DRAM1: variants seen among roughly 807,000 people sequenced by gnomAD.
DRAM1 encodes DNA damage-regulated autophagy modulator protein 1.
DRAM1 carries 25 observed loss-of-function variants against 28.5 expected under a neutral mutation model. The ratio of observed to expected loss-of-function variants is 0.88; its 90% CI spans 0.64 to 1.23. The LOEUF (loss-of-function observed/expected upper bound fraction) is 1.23. DRAM1 is among the 50% of genes most tolerant of loss of function. The pLI, the probability that DRAM1 is intolerant of heterozygous loss-of-function variation, is 0.00. For missense variants in DRAM1, 249 were observed against 299.2 expected (o/e 0.83, Z 1.24); for synonymous variants, 113 against 114.2 (o/e 0.99, Z 0.07).
In DRAM1 at chr12:101,877,806, G is replaced by A; in HGVS notation, c.17G>A (p.Arg6Lys). The change falls in exon 1 of 7, where the codon AGG becomes AAG. Residue 6 changes from arginine (R) to lysine (K), a missense_variant. Transcript: ENST00000258534. The surrounding 1 kb of genome is among the most constrained non-coding windows in gnomAD (Gnocchi z 4.1). MLCFLRGMAFVPFLLV... is the reference protein window; with the variant it reads MLCFLKGMAFVPFLLV... ...GGCGGCGCGATGCTGTGCTTCCTGA[G>A]GGGAATGGCTTTCGTCCCCTTCCTC... The A allele has an allele frequency of 5.8e-6, 9 of 1,539,470 alleles. No individual in the cohort carries two copies. The highest frequency in any genetic ancestry group is 7.9e-6 in the Non-Finnish European group (9 of 1,141,394).
Position 101,895,186 on chromosome 12 carries a change from G to GTTTTTTTTTT in DRAM1, c.132-2656_132-2647dup, listed in dbSNP as rs574722379. Among the ~76,000 whole-genome samples the GTTTTTTTTTT allele has an allele frequency of 7.3e-4, 55 of 75,732 alleles. 2 individuals are homozygous for GTTTTTTTTTT. The highest frequency in any genetic ancestry group is 1.6e-3 in the South Asian group (3 of 1,834). 49.7% of individuals were successfully genotyped at this position (75,732 alleles called of 152,430 possible). A position where few individuals can be genotyped will look rare whatever the true frequency, so the allele number is the denominator to read the frequency against. Reference sequence around the variant, plus strand: ...TAATGCTAAATTCGAAACCCTTCAGGTTTTTTTTTTTTTTTTTTTTTTTTT... The same window carrying GTTTTTTTTTT: ...TAATGCTAAATTCGAAACCCTTCAGGTTTTTTTTTTTTTTTTTTTTTTTTTTTTTTTTTTT... On this transcript the variant is annotated intron_variant, in intron 1 of 6. Coordinates refer to ENST00000258534, the MANE Select transcript of DRAM1 (RefSeq NM_018370.3).
At chr12:101,912,125 G>A (rs1874062312) in intron 4 of DRAM1, among the ~76,000 whole-genome samples, 1 of 152,174 alleles carries the variant, frequency 6.6e-6, no homozygotes, top group Admixed American at 6.5e-5. Context: ...CTTGAACCCA[G>A]GAGGTGGAGG....
chr12:101,894,418 A>G (rs1444886284), intron 1 of DRAM1, among the ~76,000 whole-genome samples: 3 of 151,804 alleles, frequency 2.0e-5, no homozygotes, highest in Non-Finnish European at 4.4e-5. Context: ...CACCCGGCCA[A>G]TTTTTGTATT....
chr12:101,921,348 T>C lies in DRAM1; in HGVS notation c.*88T>C. On this transcript the variant is annotated 3_prime_UTR_variant, in exon 7 of 7. Coordinates refer to ENST00000258534, the MANE Select transcript of DRAM1 (RefSeq NM_018370.3). Reference sequence around the variant, plus strand: ...GACAGACAGGGTTTTGAGGCCACCCTGATTATTGGGATGCATCTGCAGCAC... The same window carrying C: ...GACAGACAGGGTTTTGAGGCCACCCCGATTATTGGGATGCATCTGCAGCAC... 1 of 1,009,086 alleles carries C rather than the reference T, an allele frequency of 9.9e-7. No homozygotes were observed. Among genetic ancestry groups the C allele is most frequent in the Admixed American group, 1.8e-5 (1 of 54,268 alleles). The allele number at this position is 1,009,086 out of a possible 1,614,324, so 62.5% of individuals were successfully genotyped here. A position where few individuals can be genotyped will look rare whatever the true frequency, so the allele number is the denominator to read the frequency against.
intron 4 of DRAM1, among the ~76,000 whole-genome samples, chr12:101,908,823 A>G (rs1274424701): frequency 1.3e-5 from 2 of 151,492 alleles, no homozygotes; most frequent in Admixed American, 1.3e-4. Context: ...GGGCTTGACT[A>G]AAGTTCAGCC....
chr12:101,908,398 A>C (rs1344192959), intron 4 of DRAM1, 35 bp downstream of exon 4: 1 of 1,578,294 alleles, frequency 6.3e-7, no homozygotes, highest in East Asian at 2.2e-5. Context: ...TGTTAAAGGA[A>C]TAAAACATTC....
chr12:101,915,997 A>G (rs958854118), intron 5 of DRAM1, among the ~76,000 whole-genome samples: 24 of 152,244 alleles, frequency 1.6e-4, no homozygotes, highest in Non-Finnish European at 2.8e-4. Flanking sequence ...CACGTTTCAA[A>G]TAGGGGAAAT....
chr12:101,892,459 G>GA (rs1174951309), intron 1 of DRAM1, among the ~76,000 whole-genome samples: 2 of 146,730 alleles, frequency 1.4e-5, no homozygotes, highest in African/African-American at 5.0e-5. Flanking sequence ...TCACCATGTT[G>GA]GCCAGGCTGG....
Position 101,914,139 on chromosome 12 carries a change from G to A in DRAM1, c.521-35G>A, listed in dbSNP as rs1874144601. On this transcript the variant is annotated intron_variant, in intron 4 of 6. Transcript: ENST00000258534. ...GTCTTAACATTAAAGGAACTGTTGT[G>A]TGCTGTAGTTTCCTTAACTGTTTAC... 2.0e-6 allele frequency: 3 copies of A among 1,469,548 alleles called. No individual in the cohort carries two copies. The East Asian group carries it at 7.0e-5, about 34-fold the overall frequency. 91.0% of individuals were successfully genotyped at this position (1,469,548 alleles called of 1,614,324 possible).
chr12:101,891,757 A>G (rs1045470644), intron 1 of DRAM1, among the ~76,000 whole-genome samples: 2 of 152,212 alleles, frequency 1.3e-5, no homozygotes, highest in East Asian at 3.9e-4. Flanking sequence ...ATTAGCAAGG[A>G]GGCAAATCAG....
intron 1 of DRAM1, among the ~76,000 whole-genome samples, chr12:101,881,832 C>T (rs1312256311): frequency 6.6e-6 from 1 of 152,184 alleles, no homozygotes; most frequent in Non-Finnish European, 1.5e-5. Context: ...CACGTATCAC[C>T]TTCTAACAAA....
At position 101,921,668 on chromosome 12, in the gene DRAM1, C is replaced by T. The variant is rs1874489848; in HGVS notation, c.*408C>T. 1 of 154,494 alleles carries T rather than the reference C, an allele frequency of 6.5e-6. No homozygotes were observed. Among genetic ancestry groups the T allele is most frequent in the Non-Finnish European group, 1.4e-5 (1 of 69,998 alleles). 9.6% of individuals were successfully genotyped at this position (154,494 alleles called of 1,614,324 possible). ...TTACAAAGTGAAATCAGGGGATATT[C>T]ATTTGTAAATTTTATTCTTAGTGAA... is the stretch of plus-strand genomic sequence containing the variant. On this transcript the variant is annotated 3_prime_UTR_variant, in exon 7 of 7. Coordinates refer to ENST00000258534, the MANE Select transcript of DRAM1 (RefSeq NM_018370.3).
intron 1 of DRAM1, among the ~76,000 whole-genome samples, chr12:101,888,256 A>C (rs1872961655): frequency 6.6e-6 from 1 of 151,850 alleles, no homozygotes; most frequent in African/African-American, 2.4e-5. Context: ...CAGCCTCCCG[A>C]GTAGCTGGGA....
intron 5 of DRAM1, among the ~76,000 whole-genome samples, chr12:101,917,574 T>A (rs1393464546): frequency 1.3e-5 from 2 of 151,524 alleles, no homozygotes; most frequent in African/African-American, 2.4e-5. Context: ...TAGTCCCAGC[T>A]ACTTGGGAGG....
At chr12:101,887,332 T>A (rs1462580059) in intron 1 of DRAM1, among the ~76,000 whole-genome samples, 4 of 152,130 alleles carry the variant, frequency 2.6e-5, no homozygotes, top group Non-Finnish European at 5.9e-5. Flanking sequence ...TTCCCTCCAC[T>A]TTAAAGAAAC....
chr12:101,904,388 C>CTT (rs386377571), intron 3 of DRAM1, among the ~76,000 whole-genome samples: 47,827 of 102,638 alleles, frequency 0.47, 10,883 homozygotes, highest in African/African-American at 0.62. Flanking sequence ...TTCACATATT[C>CTT]TTTTTTTTTT....
intron 4 of DRAM1, among the ~76,000 whole-genome samples, chr12:101,912,037 A>G (rs959325830): frequency 6.6e-6 from 1 of 152,102 alleles, no homozygotes; most frequent in Non-Finnish European, 1.5e-5. Flanking sequence ...CATCTCTACT[A>G]AAAATAGAAA....
At chr12:101,889,501 G>A (rs1465794344) in intron 1 of DRAM1, among the ~76,000 whole-genome samples, 1 of 145,190 alleles carries the variant, frequency 6.9e-6, no homozygotes, top group African/African-American at 2.6e-5. Context: ...AAGTAAGGAA[G>A]GAAAGGAAGG....
At chr12:101,902,255 A>G (rs566089795) in intron 3 of DRAM1, among the ~76,000 whole-genome samples, 3 of 152,216 alleles carry the variant, frequency 2.0e-5, no homozygotes, top group Non-Finnish European at 2.9e-5. Flanking sequence ...TTATAATAAA[A>G]GCCTTGTAAG....
Sources: gnomAD v4.1 joint callset for allele counts (sites outside exome capture counted in the v4.1 genomes callset) on GRCh38, gnomAD v4.1.1 for gene constraint, Gnocchi (gnomAD v3.1) non-coding constraint, MANE v1.5 for transcripts, NCBI Gene and HGNC (gene_info 2026-07-23, HGNC 2026-07-21) for gene names.